PDPR: variants seen among roughly 807,000 people sequenced by gnomAD.
The protein encoded by PDPR is pyruvate dehydrogenase phosphatase regulatory subunit.
In PDPR, 50 loss-of-function variants were observed where a neutral mutation model predicts 102.2. The observed-to-expected ratio is 0.49, with a 90% CI of 0.39 to 0.62. The LOEUF (loss-of-function observed/expected upper bound fraction) is 0.62, where lower values mean the gene tolerates loss of function less well. PDPR is among the 20% of genes least tolerant of loss of function. PDPR has a pLI of 0.00. For missense variants in PDPR, 625 were observed against 1,098.2 expected (o/e 0.57, Z 6.09); for synonymous variants, 259 against 406.0 (o/e 0.64, Z 4.35).
chr16:70,120,765 G>A (rs115507706), intron 3 of PDPR, 46 bp downstream of exon 3: 41 of 1,224,498 alleles, frequency 3.3e-5, no homozygotes, highest in Non-Finnish European at 4.5e-5. Flanking sequence ...TGCACTAATC[G>A]TATAAGATTC....
downstream of PDPR, among the ~76,000 whole-genome samples, chr16:70,162,894 A>G (rs1967915635): frequency 6.6e-6 from 1 of 152,240 alleles, no homozygotes; most frequent in Admixed American, 6.5e-5. Flanking sequence ...AGAAACAACC[A>G]GTGCTCTTTT....
chr16:70,148,819 A>AC (rs1966464199), intron 17 of PDPR, among the ~76,000 whole-genome samples: 1 of 152,266 alleles, frequency 6.6e-6, no homozygotes, highest in Admixed American at 6.5e-5. Flanking sequence ...GTTCTCACCA[A>AC]CTGTCACCAA....
chr16:70,134,915 A>T (rs1238979479), intron 9 of PDPR, among the ~76,000 whole-genome samples: 5 of 152,250 alleles, frequency 3.3e-5, no homozygotes, highest in African/African-American at 1.2e-4. Context: ...TCTTACGGAA[A>T]ATTTCAAACT....
chr16:70,140,510 T>C (rs1965598926), intron 11 of PDPR, among the ~76,000 whole-genome samples: 1 of 152,094 alleles, frequency 6.6e-6, no homozygotes, highest in African/African-American at 2.4e-5. Context: ...GAAATAGAAG[T>C]GGCAGGCACA....
chr16:70,118,405 A>G (rs990412492), intron 2 of PDPR, among the ~76,000 whole-genome samples: 5 of 152,266 alleles, frequency 3.3e-5, no homozygotes, highest in African/African-American at 1.2e-4. Context: ...ACCTGAATAC[A>G]GACAGAGGTC....
At chr16:70,119,171 C>T (rs1962957035) in intron 2 of PDPR, among the ~76,000 whole-genome samples, 1 of 151,912 alleles carries the variant, frequency 6.6e-6, no homozygotes, top group Non-Finnish European at 1.5e-5. Context: ...TTGTTAAAAC[C>T]CTGCCTTGTC....
rs201562825 is a variant in PDPR, at chr16:70,156,559, G to C, written c.2320G>C (p.Asp774His). Residue 774 changes from aspartate to histidine, a missense_variant, in exon 19 of 19, where the codon GAC (aspartate) becomes CAC (histidine). By Grantham distance (81) the Asp-to-His change is moderately conservative. This residue lies in a region of PDPR where 303 missense variants were observed against 258.9 expected (regional missense o/e 1.17). Transcript: ENST00000288050. ...YKRLTMFILDDHDSDLDLWPW... is the reference protein window; with the variant it reads ...YKRLTMFILDHHDSDLDLWPW... The stretch of plus-strand genomic sequence containing the variant: ...ACGCCTCACCATGTTCATCCTGGAC[G>C]ACCATGATTCAGACCTAGACCTTTG... The C allele has an allele frequency of 6.2e-7, 1 of 1,614,062 alleles. No individual in the cohort carries two copies. Among genetic ancestry groups the C allele is most frequent in the Non-Finnish European group, 8.5e-7 (1 of 1,179,902 alleles).
chr16:70,162,900 C>G (rs1967915847), downstream of PDPR, among the ~76,000 whole-genome samples: 1 of 152,262 alleles, frequency 6.6e-6, no homozygotes, highest in Non-Finnish European at 1.5e-5. Flanking sequence ...AACCAGTGCT[C>G]TTTTTCTACA....
chr16:70,114,214 C>G (rs1962392552), upstream of PDPR: 1 of 152,254 alleles, frequency 6.6e-6, no homozygotes, highest in South Asian at 2.1e-4. Flanking sequence ...TCACGGCGCG[C>G]TCGTGCGCTG....
At chr16:70,145,587 T>C in intron 15 of PDPR, 1 of 356,060 alleles carries the variant, frequency 2.8e-6, no homozygotes, top group South Asian at 2.1e-5. Flanking sequence ...TCTCAATTCC[T>C]TGTAGTAGCA....
At chr16:70,126,244 C>T (rs1201966698) in intron 3 of PDPR, among the ~76,000 whole-genome samples, 4 of 152,262 alleles carry the variant, frequency 2.6e-5, no homozygotes, top group Admixed American at 2.6e-4. Flanking sequence ...TGGGGTCTTG[C>T]TCTATTGCTT....
intron 10 of PDPR, among the ~76,000 whole-genome samples, chr16:70,137,342 C>T (rs1485014560): frequency 1.3e-5 from 2 of 152,166 alleles, no homozygotes; most frequent in Middle Eastern, 3.2e-3. Context: ...GGCAACAGAG[C>T]GAGACTCTAT....
At chr16:70,155,915 G>C (rs1361664161) in intron 18 of PDPR, among the ~76,000 whole-genome samples, 2 of 150,634 alleles carry the variant, frequency 1.3e-5, no homozygotes, top group East Asian at 2.0e-4. Context: ...CGATTTTCCT[G>C]TCTCAGTCTC....
At chr16:70,115,273 G>C (rs539752846) in intron 2 of PDPR, among the ~76,000 whole-genome samples, 1 of 152,012 alleles carries the variant, frequency 6.6e-6, no homozygotes, top group Non-Finnish European at 1.5e-5. Context: ...ACAGGTGTGC[G>C]CCACCACGCC....
Position 70,153,552 on chromosome 16 carries a change from G to A in PDPR, c.2214G>A (p.Glu738=). 1.2e-6 allele frequency: 2 copies of A among 1,607,526 alleles called. No homozygotes were observed. Among genetic ancestry groups the A allele is most frequent in the African/African-American group, 1.3e-5 (1 of 74,976 alleles). ...NLTTPLECGR[E]SRVKLEKGMD... Reference sequence around the variant, plus strand: ...CCACGCCCCTGGAATGTGGACGAGAGTCTCGGGTGAAATTAGAGAAGGTAC... The same window carrying A: ...CCACGCCCCTGGAATGTGGACGAGAATCTCGGGTGAAATTAGAGAAGGTAC... Residue 738 remains glutamate (E), a synonymous_variant, in exon 18 of 19, where the codon GAG becomes GAA. Coordinates refer to ENST00000288050, the MANE Select transcript of PDPR (RefSeq NM_017990.5).
In PDPR at chr16:70,157,327, G is replaced by T; in HGVS notation, c.*448G>T. 2.5e-6 allele frequency: 1 copy of T among 400,000 alleles called. No homozygotes were observed. Among genetic ancestry groups the T allele is most frequent in the Non-Finnish European group, 4.9e-6 (1 of 202,856 alleles). 24.8% of individuals were successfully genotyped at this position (400,000 alleles called of 1,614,324 possible). ...AGTTCTGGTGGGGTTGCCGTGTGTC[G>T]GATGCAGCCCTGAGGGGCAGCTCGT... is the stretch of plus-strand genomic sequence containing the variant. On this transcript the variant is annotated 3_prime_UTR_variant, in exon 19 of 19. Coordinates refer to ENST00000288050, the MANE Select transcript of PDPR (RefSeq NM_017990.5).
Position 70,153,379 on chromosome 16 carries a change from C to G in PDPR, c.2053-12C>G. 1 of 1,607,296 alleles carries G rather than the reference C, an allele frequency of 6.2e-7. No individual in the cohort carries two copies. The highest frequency in any genetic ancestry group is 8.5e-7 in the Non-Finnish European group (1 of 1,177,028). On this transcript the variant is annotated splice_polypyrimidine_tract_variant and intron_variant, in intron 17 of 18. Coordinates refer to ENST00000288050, the MANE Select transcript of PDPR (RefSeq NM_017990.5). ...GGTCTGCTGCTTATGAACTTTCTGT[C>G]TCTTCCTATAGTACGCCCTGCATGT...
intron 17 of PDPR, among the ~76,000 whole-genome samples, chr16:70,149,773 A>G (rs1288799819): frequency 6.6e-6 from 1 of 152,266 alleles, no homozygotes; most frequent in Non-Finnish European, 1.5e-5. Context: ...ATATGCAAAT[A>G]GTAATAGTTT....
upstream of PDPR, chr16:70,113,716 T>C (rs1962355458): frequency 7.1e-6 from 1 of 139,900 alleles, no homozygotes; most frequent in South Asian, 2.2e-4. Flanking sequence ...TGATTCCTCT[T>C]CCTCTGAGCT....
Sources: allele counts gnomAD v4.1 joint callset (sites outside exome capture counted in the v4.1 genomes callset), GRCh38; gene constraint gnomAD v4.1.1; regional missense constraint gnomAD v4.1.1; transcripts MANE v1.5; gene names NCBI Gene and HGNC (gene_info 2026-07-23, HGNC 2026-07-21).